TMTC2: variants seen among roughly 807,000 people sequenced by gnomAD.
TMTC2 encodes transmembrane O-mannosyltransferase targeting cadherins 2.
TMTC2 carries 43 observed loss-of-function variants against 82.4 expected under a neutral mutation model. That is an observed-to-expected ratio of 0.52 (90% CI 0.41 to 0.67). The LOEUF is 0.67. Among genes scored for constraint, TMTC2 ranks in the 30% least tolerant of loss-of-function variants. The pLI is 0.00. For synonymous variants in TMTC2, 408 were observed against 381.9 expected (o/e 1.07, Z -0.80); for missense variants, 919 against 1,012.4 (o/e 0.91, Z 1.25).
In TMTC2 at chr12:82,896,122, T is replaced by C; in HGVS notation, c.959T>C (p.Leu320Pro). Residue 320 changes from leucine to proline, a missense_variant, in exon 3 of 12, where the codon CTC (leucine) becomes CCC (proline). By Grantham distance (98) the Leu-to-Pro change is moderately conservative. Transcript: ENST00000321196. ...NLHTVAFYTG[L>P]LLLAYYGLKS... is the part of the protein sequence containing the mutation. ...CACACTGTGGCCTTCTATACTGGACTCCTTCTCCTTGCCTACTATGGTTTG... is the reference window on the plus strand; with the variant it reads ...CACACTGTGGCCTTCTATACTGGACCCCTTCTCCTTGCCTACTATGGTTTG... 1 of 1,614,024 alleles carries C rather than the reference T, an allele frequency of 6.2e-7. No homozygotes were observed. Among genetic ancestry groups the C allele is most frequent in the South Asian group, 1.1e-5 (1 of 91,080 alleles).
At chr12:83,050,007 A>T (rs116088391) in intron 9 of TMTC2, among the ~76,000 whole-genome samples, 217 of 152,308 alleles carry the variant, frequency 1.4e-3, no homozygotes, top group African/African-American at 5.1e-3. Flanking sequence ...CTCAGAACTT[A>T]ATCATTTTTA....
At chr12:82,881,876 T>C (rs1461435511) in intron 2 of TMTC2, among the ~76,000 whole-genome samples, 1 of 152,206 alleles carries the variant, frequency 6.6e-6, no homozygotes, top group Non-Finnish European at 1.5e-5. Context: ...CAAGAAGATA[T>C]TAACCATCAG....
intron 7 of TMTC2, among the ~76,000 whole-genome samples, chr12:82,971,406 AT>A (rs1878441143): frequency 6.6e-6 from 1 of 152,086 alleles, no homozygotes; most frequent in Non-Finnish European, 1.5e-5. Flanking sequence ...GATACTTAAA[AT>A]TTTTTTAATG....
intron 11 of TMTC2, among the ~76,000 whole-genome samples, chr12:83,102,668 G>T (rs1884259134): frequency 6.6e-6 from 1 of 152,306 alleles, no homozygotes; most frequent in Middle Eastern, 3.4e-3. Flanking sequence ...CATTCCAGAA[G>T]GATGTCAAAG....
At chr12:82,875,129 T>C (rs1435502163) in intron 2 of TMTC2, among the ~76,000 whole-genome samples, 1 of 152,164 alleles carries the variant, frequency 6.6e-6, no homozygotes, top group Non-Finnish European at 1.5e-5. Context: ...TGTAGTTTGC[T>C]GACTCCTGAT....
At chr12:82,784,309 C>T (rs1592519442) in intron 1 of TMTC2, among the ~76,000 whole-genome samples, 3 of 152,156 alleles carry the variant, frequency 2.0e-5, no homozygotes, top group Admixed American at 2.0e-4. Flanking sequence ...CTTTGAAAGG[C>T]ATTGGCTAGG....
intron 9 of TMTC2, among the ~76,000 whole-genome samples, chr12:83,040,739 G>T (rs535336745): frequency 8.4e-4 from 122 of 145,138 alleles, no homozygotes; most frequent in Non-Finnish European, 1.5e-3. Context: ...AGGCTGAAGC[G>T]CAGTGGCACT....
intron 8 of TMTC2, 114 bp downstream of exon 8, chr12:82,986,160 G>A (rs778862887): frequency 5.2e-5 from 73 of 1,414,982 alleles, no homozygotes; most frequent in Non-Finnish European, 7.1e-5. Flanking sequence ...GGGATGCAAT[G>A]GTGGTGATAC....
intron 1 of TMTC2, among the ~76,000 whole-genome samples, chr12:82,706,323 CAAAAA>C (rs11365830): frequency 1.2e-5 from 1 of 80,248 alleles, no homozygotes. Context: ...GAGTCCATCT[CAAAAA>C]AAAAAAAAAA....
intron 1 of TMTC2, among the ~76,000 whole-genome samples, chr12:82,731,670 A>G (rs1333830193): frequency 6.6e-6 from 1 of 152,236 alleles, no homozygotes; most frequent in African/African-American, 2.4e-5. Flanking sequence ...GAAGAAAAAT[A>G]TGGGATACAG....
intron 11 of TMTC2, among the ~76,000 whole-genome samples, chr12:83,084,910 G>A (rs1883599786): frequency 6.6e-6 from 1 of 152,234 alleles, no homozygotes; most frequent in African/African-American, 2.4e-5. Context: ...TTTTAAAGAT[G>A]TGAATAACAA....
intron 10 of TMTC2, 44 bp downstream of exon 10, chr12:83,051,062 G>A (rs1209065991): frequency 2.1e-6 from 3 of 1,397,498 alleles, no homozygotes; most frequent in East Asian, 2.4e-5. Flanking sequence ...GGCTTTGAGA[G>A]GGTAATTAAT....
intron 1 of TMTC2, among the ~76,000 whole-genome samples, chr12:82,696,407 C>G (rs1284043057): frequency 6.6e-6 from 1 of 152,098 alleles, no homozygotes; most frequent in African/African-American, 2.4e-5. Context: ...TTAAACCACT[C>G]TTACAGGGAT....
chr12:83,127,827 A>C (rs945883446), intron 11 of TMTC2, among the ~76,000 whole-genome samples: 1 of 152,238 alleles, frequency 6.6e-6, no homozygotes, highest in South Asian at 2.1e-4. Flanking sequence ...CATTATTTTA[A>C]ATTTTGCATA....
chr12:83,022,685 C>G (rs1010820364), intron 8 of TMTC2, among the ~76,000 whole-genome samples: 1 of 152,116 alleles, frequency 6.6e-6, no homozygotes, highest in African/African-American at 2.4e-5. Context: ...ACAGTCTACA[C>G]TAGATGTCTT....
intron 1 of TMTC2, among the ~76,000 whole-genome samples, chr12:82,696,644 A>G (rs893846300): frequency 4.6e-5 from 7 of 152,066 alleles, no homozygotes; most frequent in Non-Finnish European, 8.8e-5. Context: ...TCCATATTGA[A>G]CAGAGGATGA....
rs35485888 is a variant in TMTC2, at chr12:82,795,311, C to CAA, written c.84-61682_84-61681dup. Among the ~76,000 whole-genome samples, 169 of 94,750 alleles carry CAA rather than the reference C, an allele frequency of 1.8e-3. 2 individuals are homozygous for CAA. The South Asian group carries it at 0.032, about 18-fold the overall frequency. The allele number at this position is 94,750 out of a possible 152,430, so 62.2% of individuals were successfully genotyped here. On this transcript the variant is annotated intron_variant, in intron 1 of 11. Coordinates refer to ENST00000321196, the MANE Select transcript of TMTC2 (RefSeq NM_152588.3). ...TGGGCAACAGAGAGAGATTCCATCT[C>CAA]AAAAAAAAAAAAAAAAAAGAAGTTA...
chr12:82,899,920 T>C (rs1264830409), intron 3 of TMTC2, among the ~76,000 whole-genome samples: 2 of 138,680 alleles, frequency 1.4e-5, no homozygotes, highest in African/African-American at 5.4e-5. Context: ...ATATCCGGAA[T>C]ATAGATATGT....
chr12:82,919,290 G>A (rs1299770434), intron 3 of TMTC2, among the ~76,000 whole-genome samples: 5 of 152,080 alleles, frequency 3.3e-5, no homozygotes, highest in African/African-American at 1.2e-4. Context: ...CATCCATGAG[G>A]GCTTCACCCT....
Sources: gnomAD v4.1 joint callset for allele counts (sites outside exome capture counted in the v4.1 genomes callset) on GRCh38, gnomAD v4.1.1 for gene constraint, MANE v1.5 for transcripts, NCBI Gene and HGNC (gene_info 2026-07-23, HGNC 2026-07-21) for gene names.